The following AGBL1 variants were observed in gnomAD, a reference collection of about 807,000 sequenced individuals.
AGBL1 encodes cytosolic carboxypeptidase 4.
In AGBL1, 130 loss-of-function variants were observed where a neutral mutation model predicts 118.9. The ratio of observed to expected loss-of-function variants is 1.09; its 90% CI spans 0.95 to 1.26. The LOEUF (loss-of-function observed/expected upper bound fraction) is 1.26. AGBL1 is among the 50% of genes most tolerant of loss of function. The probability of loss-of-function intolerance (pLI) is 0.00; values close to 1 mark genes in which losing one functional copy is unlikely to be tolerated. For missense variants in AGBL1, 1,584 were observed against 1,298.1 expected, an observed-to-expected ratio of 1.22 and a Z score of -3.38; for synonymous variants, 555 against 478.9, an observed-to-expected ratio of 1.16 and a Z score of -2.08.
intron 22 of AGBL1, among the ~76,000 whole-genome samples, chr15:86,725,183 A>G (rs1383645044): frequency 1.3e-5 from 2 of 152,222 alleles, no homozygotes. Flanking sequence ...TAAATTTCCA[A>G]TATATGACAA....
Position 87,025,566 on chromosome 15 carries a change from G to A in AGBL1, c.3324-3259G>A, listed in dbSNP as rs143404987. Among the ~76,000 whole-genome samples, 95 of 151,778 alleles carry A rather than the reference G, an allele frequency of 6.3e-4. 2 individuals are homozygous for A. In the East Asian group the frequency reaches 0.015, roughly 24 times the overall value. On this transcript the variant is annotated intron_variant, in intron 24 of 24. Transcript: ENST00000441037. ...GTAGAATCAATATTGTGAAAATAAC[G>A]TTACTACCAAAAGCGATCTACAAAT...
At chr15:86,362,105 G>A (rs886428562) in intron 17 of AGBL1, among the ~76,000 whole-genome samples, 5 of 152,032 alleles carry the variant, frequency 3.3e-5, no homozygotes, top group African/African-American at 4.8e-5. Flanking sequence ...ATCAACTAGA[G>A]GCTGCCATGA....
intron 22 of AGBL1, among the ~76,000 whole-genome samples, chr15:86,776,592 C>A (rs2078258112): frequency 6.6e-6 from 1 of 151,394 alleles, no homozygotes; most frequent in Non-Finnish European, 1.5e-5. Flanking sequence ...GTAATATTTT[C>A]ATCCAGTTTG....
At chr15:86,197,008 G>A (rs1383114715) in intron 5 of AGBL1, among the ~76,000 whole-genome samples, 1 of 151,982 alleles carries the variant, frequency 6.6e-6, no homozygotes, top group Non-Finnish European at 1.5e-5. Flanking sequence ...AACCCTGCCA[G>A]ACCTTCTAGC....
intron 22 of AGBL1, among the ~76,000 whole-genome samples, chr15:86,877,270 C>A (rs2079824296): frequency 6.6e-6 from 1 of 152,106 alleles, no homozygotes; most frequent in Admixed American, 6.6e-5. Flanking sequence ...AGTCATAGTA[C>A]CCCAACCTGG....
chr15:86,982,798 T>C (rs1309059468), intron 23 of AGBL1, among the ~76,000 whole-genome samples: 1 of 152,202 alleles, frequency 6.6e-6, no homozygotes, highest in Non-Finnish European at 1.5e-5. Context: ...TTTTTGCTAT[T>C]GGTAAGGCTT....
rs140470366 is a variant in AGBL1 at position 86,813,599 on chromosome 15, C to A, written c.3159-93488C>A. ...CTTTGGCCCTTCATCTCTCTCAGGC[C>A]AACAGACAGATCCTCTGGAGTCCTC... On this transcript the variant is annotated intron_variant, in intron 22 of 22. Coordinates refer to ENST00000614907, the MANE Select transcript of AGBL1 (RefSeq NM_001386094.1). Among the ~76,000 whole-genome samples, 328 of 152,204 alleles carry A rather than the reference C, an allele frequency of 2.2e-3. 2 individuals are homozygous for A. Among genetic ancestry groups the A allele is most frequent in the African/African-American group, 7.2e-3 (301 of 41,546 alleles).
chr15:86,847,821 T>C (rs1403634197), intron 22 of AGBL1, among the ~76,000 whole-genome samples: 2 of 152,192 alleles, frequency 1.3e-5, no homozygotes, highest in Non-Finnish European at 2.9e-5. Context: ...TGCACAGCTT[T>C]CCAGTCAGCT....
At chr15:86,784,971 C>T (rs1462316128) in intron 22 of AGBL1, among the ~76,000 whole-genome samples, 5 of 152,018 alleles carry the variant, frequency 3.3e-5, no homozygotes, top group Non-Finnish European at 7.4e-5. Flanking sequence ...TCTCAAGTGC[C>T]TTTTCAAGCA....
chr15:86,438,214 G>C (rs1031973596), intron 18 of AGBL1, among the ~76,000 whole-genome samples: 5 of 152,008 alleles, frequency 3.3e-5, no homozygotes, highest in African/African-American at 1.2e-4. Flanking sequence ...CCAAGCCTCA[G>C]TTTTTTTATA....
intron 22 of AGBL1, among the ~76,000 whole-genome samples, chr15:86,731,973 C>G (rs1227612651): frequency 3.3e-5 from 5 of 152,196 alleles, no homozygotes; most frequent in Non-Finnish European, 7.3e-5. Flanking sequence ...GGGCACTGAT[C>G]TGCAGTCACT....
intron 22 of AGBL1, among the ~76,000 whole-genome samples, chr15:86,726,173 A>G (rs1596410398): frequency 6.6e-6 from 1 of 152,204 alleles, no homozygotes; most frequent in South Asian, 2.1e-4. Flanking sequence ...AAGCCCTGAG[A>G]TGCTTATCAA....
At chr15:86,876,114 A>G (rs1323479984) in intron 22 of AGBL1, among the ~76,000 whole-genome samples, 1 of 152,210 alleles carries the variant, frequency 6.6e-6, no homozygotes, top group Non-Finnish European at 1.5e-5. Context: ...ATTTATGCTC[A>G]AAATATTGTA....
rs116497822 is a variant in AGBL1 at position 86,238,593 on chromosome 15, G to A, written c.527-9078G>A. On this transcript the variant is annotated intron_variant, in intron 6 of 22. Coordinates refer to ENST00000614907, the MANE Select transcript of AGBL1 (RefSeq NM_001386094.1). ...GTCTATCATCAACTGTGAGGTGTAT[G>A]CCATTTTTTATGTGCCACTGAGTGA... 1.4e-3 allele frequency among the ~76,000 whole-genome samples: 219 copies of A among 152,258 alleles called. 2 individuals are homozygous for A. Among genetic ancestry groups the A allele is most frequent in the African/African-American group, 4.9e-3 (203 of 41,546 alleles).
intron 22 of AGBL1, among the ~76,000 whole-genome samples, chr15:86,855,343 A>T (rs1389372995): frequency 1.3e-5 from 2 of 152,272 alleles, no homozygotes; most frequent in Non-Finnish European, 2.9e-5. Flanking sequence ...AAGGAGAGCC[A>T]GAGCACCATA....
intron 22 of AGBL1, among the ~76,000 whole-genome samples, chr15:86,877,773 C>G (rs1171522220): frequency 6.6e-6 from 1 of 152,218 alleles, no homozygotes; most frequent in Non-Finnish European, 1.5e-5. Context: ...TCTCTCCGGA[C>G]ACTCCTTTGG....
chr15:86,463,095 C>A (rs1439931402), intron 18 of AGBL1, among the ~76,000 whole-genome samples: 2 of 152,198 alleles, frequency 1.3e-5, no homozygotes, highest in South Asian at 2.1e-4. Flanking sequence ...TCCTCTCCAG[C>A]ACCTGTTGTT....
At chr15:86,106,926 C>T (rs993983912) in intron 1 of AGBL1, among the ~76,000 whole-genome samples, 6 of 152,104 alleles carry the variant, frequency 3.9e-5, no homozygotes, top group African/African-American at 1.2e-4. Context: ...CCCTGAGAAC[C>T]AACTGGCAGT....
chr15:86,625,619 G>T (rs1596317717), intron 21 of AGBL1, among the ~76,000 whole-genome samples: 1 of 151,966 alleles, frequency 6.6e-6, no homozygotes, highest in Admixed American at 6.6e-5. Context: ...CTCATAAAAA[G>T]TAAATTCTGG....
Sources: gnomAD v4.1 joint callset for allele counts (sites outside exome capture counted in the v4.1 genomes callset) on GRCh38, gnomAD v4.1.1 for gene constraint, MANE v1.5 for transcripts, NCBI Gene and HGNC (gene_info 2026-07-23, HGNC 2026-07-21) for gene names.